Variants in GULP1 observed in about 807,000 individuals in gnomAD.
The protein encoded by GULP1 is PTB domain-containing engulfment adapter protein 1.
GULP1 carries 19 observed loss-of-function variants against 40.9 expected under a neutral mutation model. The observed-to-expected ratio is 0.46, with a 90% CI of 0.32 to 0.68. The LOEUF (loss-of-function observed/expected upper bound fraction) is 0.68. Among genes scored for constraint, GULP1 ranks in the 30% least tolerant of loss-of-function variants. GULP1 has a pLI of 0.03. For synonymous variants in GULP1, 119 were observed against 117.6 expected (o/e 1.01, Z -0.08); for missense variants, 312 against 362.2 (o/e 0.86, Z 1.12).
chr2:188,577,844 T>A (rs908056871), intron 9 of GULP1, among the ~76,000 whole-genome samples: 3 of 152,082 alleles, frequency 2.0e-5, no homozygotes, highest in African/African-American at 7.2e-5. Context: ...ATTATAACAA[T>A]GAACTTTAAA....
chr2:188,478,408 T>G (rs945114172), intron 3 of GULP1, among the ~76,000 whole-genome samples: 1 of 152,138 alleles, frequency 6.6e-6, no homozygotes, highest in African/African-American at 2.4e-5. Context: ...GTTTAAATAA[T>G]GTATCCTTTC....
At chr2:188,489,621 T>G (rs1321209005) in intron 4 of GULP1, among the ~76,000 whole-genome samples, 2 of 151,992 alleles carry the variant, frequency 1.3e-5, no homozygotes, top group East Asian at 3.9e-4. Context: ...AAACAAATAA[T>G]ATATACTATA....
intron 2 of GULP1, among the ~76,000 whole-genome samples, chr2:188,414,845 A>G (rs1199012292): frequency 6.6e-6 from 1 of 152,172 alleles, no homozygotes; most frequent in Non-Finnish European, 1.5e-5. Flanking sequence ...AGTAATTTAT[A>G]ATTTCTTAAG....
chr2:188,390,612 A>C (rs2050389147), intron 2 of GULP1, among the ~76,000 whole-genome samples: 1 of 152,050 alleles, frequency 6.6e-6, no homozygotes, highest in South Asian at 2.1e-4. Context: ...GAAGATTCTT[A>C]GTTTAATTAG....
Position 188,569,223 on chromosome 2 carries a change from T to A in GULP1, c.400-16T>A. 2 of 1,283,482 alleles carry A rather than the reference T, an allele frequency of 1.6e-6. No individual in the cohort carries two copies. The highest frequency in any genetic ancestry group is 2.3e-6 in the Non-Finnish European group (2 of 883,064). 79.5% of individuals were successfully genotyped at this position (1,283,482 alleles called of 1,614,324 possible). A position where few individuals can be genotyped will look rare whatever the true frequency, so the allele number is the denominator to read the frequency against. On this transcript the variant is annotated splice_polypyrimidine_tract_variant and intron_variant, in intron 7 of 11. Coordinates refer to ENST00000409830, the MANE Select transcript of GULP1 (RefSeq NM_016315.4). ...CATATTATTAAAATGCAAATCTTTG[T>A]TTGATTTTTACACAGGCTGAAGAGA...
At chr2:188,491,044 C>G (rs866667392) in intron 4 of GULP1, among the ~76,000 whole-genome samples, 1 of 151,944 alleles carries the variant, frequency 6.6e-6, no homozygotes, top group Admixed American at 6.6e-5. Context: ...GCGATCCACC[C>G]AACTTGACCT....
At chr2:188,431,681 A>T (rs1004506479) in intron 2 of GULP1, among the ~76,000 whole-genome samples, 5 of 152,056 alleles carry the variant, frequency 3.3e-5, no homozygotes, top group African/African-American at 1.2e-4. Flanking sequence ...TGTTTTTATG[A>T]ATCTTATCAC....
chr2:188,533,298 G>A (rs766102891), intron 6 of GULP1, among the ~76,000 whole-genome samples: 1 of 152,184 alleles, frequency 6.6e-6, no homozygotes, highest in Non-Finnish European at 1.5e-5. Context: ...TACAGCAACA[G>A]TAGAGAATAG....
At chr2:188,354,246 C>A (rs555630351) in intron 1 of GULP1, among the ~76,000 whole-genome samples, 1 of 152,116 alleles carries the variant, frequency 6.6e-6, no homozygotes, top group African/African-American at 2.4e-5. Context: ...TGCCTTATCC[C>A]CCCAGGATCT....
intron 2 of GULP1, among the ~76,000 whole-genome samples, chr2:188,417,269 G>A (rs1350453019): frequency 6.6e-6 from 1 of 152,118 alleles, no homozygotes; most frequent in African/African-American, 2.4e-5. Flanking sequence ...TTAAAGCATG[G>A]CTCATTGGAT....
Position 188,572,198 on chromosome 2 carries a change from T to C in GULP1, c.609+2078T>C, listed in dbSNP as rs367854767. On this transcript the variant is annotated intron_variant, in intron 9 of 11. Coordinates refer to ENST00000409830, the MANE Select transcript of GULP1 (RefSeq NM_016315.4). ...TTTGACCATTTGGCTGAAATAGCCA[T>C]TTCAAGTGGAAAGCATGCAAGTTGG... Among the ~76,000 whole-genome samples the C allele has an allele frequency of 4.3e-4, 65 of 152,288 alleles. 3 individuals carry two copies. In the South Asian group the frequency reaches 0.013, roughly 31 times the overall value.
intron 10 of GULP1, among the ~76,000 whole-genome samples, chr2:188,585,506 G>C (rs879698298): frequency 2.0e-5 from 3 of 152,202 alleles, no homozygotes; most frequent in African/African-American, 7.2e-5. Context: ...AATCTAGGCA[G>C]AGGCTCCCAA....
chr2:188,589,475 G>C, intron 11 of GULP1: 1 of 270,260 alleles, frequency 3.7e-6, no homozygotes, highest in Non-Finnish European at 6.9e-6. Flanking sequence ...TTATGTGGTA[G>C]TATTTATTCT....
intron 8 of GULP1, 91 bp from the exon 9 acceptor site, chr2:188,569,937 T>G (rs1698669661): frequency 1.7e-6 from 1 of 581,744 alleles, no homozygotes; most frequent in Non-Finnish European, 3.0e-6. Flanking sequence ...CATTAAAGTT[T>G]TACGTAATAT....
intron 1 of GULP1, among the ~76,000 whole-genome samples, chr2:188,339,300 A>C (rs1189398220): frequency 6.6e-6 from 1 of 152,156 alleles, no homozygotes. Flanking sequence ...TTTGCTTGTG[A>C]ATTATCAGAG....
chr2:188,519,982 T>C (rs1451836121), intron 4 of GULP1, among the ~76,000 whole-genome samples: 1 of 152,172 alleles, frequency 6.6e-6, no homozygotes, highest in Non-Finnish European at 1.5e-5. Flanking sequence ...CCTATGATTC[T>C]GTCATTCAAT....
chr2:188,352,492 G>C (rs2044589025), intron 1 of GULP1, among the ~76,000 whole-genome samples: 1 of 151,926 alleles, frequency 6.6e-6, no homozygotes, highest in South Asian at 2.1e-4. Context: ...GTTGACTGTA[G>C]ATCTTGGCAT....
chr2:188,548,383 A>G (rs1301805779), intron 7 of GULP1, among the ~76,000 whole-genome samples: 2 of 152,110 alleles, frequency 1.3e-5, no homozygotes, highest in East Asian at 1.9e-4. Context: ...ATACATAGGT[A>G]TAAGTCTAAA....
At chr2:188,410,199 C>T (rs1239355149) in intron 2 of GULP1, among the ~76,000 whole-genome samples, 1 of 151,848 alleles carries the variant, frequency 6.6e-6, no homozygotes, top group Non-Finnish European at 1.5e-5. Context: ...TAAAAAAAAA[C>T]TCAAAATGAT....
Sources: gnomAD v4.1 joint callset for allele counts (sites outside exome capture counted in the v4.1 genomes callset) on GRCh38, gnomAD v4.1.1 for gene constraint, MANE v1.5 for transcripts, NCBI Gene and HGNC (gene_info 2026-07-23, HGNC 2026-07-21) for gene names.